OTOGL: variants seen among roughly 807,000 people sequenced by gnomAD.
OTOGL encodes otogelin-like protein.
OTOGL carries 285 observed loss-of-function variants against 318.5 expected under a neutral mutation model. That is an observed-to-expected ratio of 0.89 (90% CI 0.81 to 0.99). OTOGL has a LOEUF of 0.99. OTOGL is among the 50% of genes least tolerant of loss of function. The probability of loss-of-function intolerance (pLI) is 0.00; values close to 1 mark genes in which losing one functional copy is unlikely to be tolerated. For synonymous variants in OTOGL, 987 were observed against 936.5 expected (o/e 1.05, Z -0.99); for missense variants, 2,899 against 2,845.6 (o/e 1.02, Z -0.43).
At chr12:80,142,123 G>A (rs1871987499) in intron 1 of OTOGL, among the ~76,000 whole-genome samples, 1 of 152,100 alleles carries the variant, frequency 6.6e-6, no homozygotes, top group Admixed American at 6.5e-5. Flanking sequence ...CTCCTGTGAA[G>A]GAGAAGGTTA....
At chr12:80,301,730 C>T (rs1294785628) in intron 27 of OTOGL, among the ~76,000 whole-genome samples, 2 of 152,058 alleles carry the variant, frequency 1.3e-5, no homozygotes, top group African/African-American at 4.8e-5. Context: ...TGCTTCCTGC[C>T]CCCCTACACA....
At chr12:80,247,649 G>T (rs1369837012) in intron 11 of OTOGL, among the ~76,000 whole-genome samples, 1 of 54,356 alleles carries the variant, frequency 1.8e-5, no homozygotes, top group South Asian at 6.6e-4. Context: ...TGTTGATTTG[G>T]GGTGGAGAGT....
In OTOGL at chr12:80,328,748, A is replaced by C; in HGVS notation, c.4279+4A>C. ...AAGTGTGTTTATCCACGAGACTGTA[A>C]GTGTGAACGTTGCTTAATTTACTCT... On this transcript the variant is annotated splice_donor_region_variant and intron_variant, in intron 36 of 58. Transcript: ENST00000547103. 1 of 1,584,536 alleles carries C rather than the reference A, an allele frequency of 6.3e-7. No individual in the cohort carries two copies. The highest frequency in any genetic ancestry group is 8.7e-7 in the Non-Finnish European group (1 of 1,154,166).
At chr12:80,137,715 C>T (rs1209721594) in intron 1 of OTOGL, among the ~76,000 whole-genome samples, 1 of 152,150 alleles carries the variant, frequency 6.6e-6, no homozygotes, top group Non-Finnish European at 1.5e-5. Context: ...GGCACTCTTG[C>T]CTCATGTTTC....
chr12:80,228,543 T>A (rs1879087400), intron 7 of OTOGL, among the ~76,000 whole-genome samples: 1 of 152,186 alleles, frequency 6.6e-6, no homozygotes, highest in African/African-American at 2.4e-5. Context: ...AAGTCACTTT[T>A]AGGCTTAGAA....
At chr12:80,130,139 AT>A (rs1871148278) in intron 1 of OTOGL, among the ~76,000 whole-genome samples, 1 of 151,960 alleles carries the variant, frequency 6.6e-6, no homozygotes, top group Non-Finnish European at 1.5e-5. Context: ...CATTCCAATC[AT>A]TATAAAACTA....
At chr12:80,114,317 A>G (rs1367914690) in intron 1 of OTOGL, among the ~76,000 whole-genome samples, 1 of 152,160 alleles carries the variant, frequency 6.6e-6, no homozygotes, top group East Asian at 1.9e-4. Context: ...GGTGGTGACA[A>G]AATCCCTCAG....
chr12:80,275,596 A>G (rs1287535166), intron 24 of OTOGL, among the ~76,000 whole-genome samples: 3 of 151,976 alleles, frequency 2.0e-5, no homozygotes, highest in Non-Finnish European at 4.4e-5. Context: ...ACTGACTGCA[A>G]TTTTGAAAGA....
chr12:80,170,219 A>ATG (rs796199421), intron 1 of OTOGL, among the ~76,000 whole-genome samples: 10 of 116,712 alleles, frequency 8.6e-5, no homozygotes, highest in African/African-American at 3.6e-4. Context: ...GTGTGTATGT[A>ATG]TGTGTGTGTG....
chr12:80,257,736 G>A, intron 17 of OTOGL, 89 bp from the exon 18 acceptor site: 1 of 1,184,654 alleles, frequency 8.4e-7, no homozygotes, highest in Non-Finnish European at 1.1e-6. Flanking sequence ...CCTGGTATCT[G>A]GGGAAGAGAG....
At position 80,233,023 on chromosome 12, in the gene OTOGL, A is replaced by C. The variant is rs759988695; in HGVS notation, c.743A>C (p.Asp248Ala). The C allele has an allele frequency of 7.5e-6, 12 of 1,598,534 alleles. No homozygotes were observed. The Admixed American group carries it at 2.0e-4, about 27-fold the overall frequency. The change falls in exon 9 of 59, where the codon GAC becomes GCC. Residue 248 changes from aspartate to alanine, a missense_variant. Asp to Ala is a moderately radical substitution (Grantham distance 126). Transcript: ENST00000547103. ...GGGATCTACCTCAAGCTGTCTGAGGACCATAAGGGGAAATCATGTGGCCTA... is the reference window on the plus strand; with the variant it reads ...GGGATCTACCTCAAGCTGTCTGAGGCCCATAAGGGGAAATCATGTGGCCTA... ...ISGIYLKLSE[D>A]HKGKSCGLCG...
At chr12:80,325,178 A>C (rs1278939535) in intron 35 of OTOGL, among the ~76,000 whole-genome samples, 1 of 152,114 alleles carries the variant, frequency 6.6e-6, no homozygotes, top group African/African-American at 2.4e-5. Context: ...GGTAAGATCC[A>C]GCCCCTCTGT....
At chr12:80,330,019 G>A (rs906686477) in intron 37 of OTOGL, among the ~76,000 whole-genome samples, 7 of 152,298 alleles carry the variant, frequency 4.6e-5, no homozygotes, top group Admixed American at 1.3e-4. Flanking sequence ...AGGGAAATAT[G>A]TTCCTATTAG....
At chr12:80,164,666 G>A (rs1873723847) in intron 1 of OTOGL, among the ~76,000 whole-genome samples, 1 of 152,032 alleles carries the variant, frequency 6.6e-6, no homozygotes, top group African/African-American at 2.4e-5. Context: ...CCTTGTTGAT[G>A]TTGTATTAAC....
At chr12:80,291,969 T>TTTTCC (rs1555292177) in intron 26 of OTOGL, among the ~76,000 whole-genome samples, 1 of 152,114 alleles carries the variant, frequency 6.6e-6, no homozygotes, top group Non-Finnish European at 1.5e-5. Flanking sequence ...CTTTTTTTTC[T>TTTTCC]TTTTCTTTTC....
chr12:80,324,337 A>C (rs1887544706), intron 35 of OTOGL, among the ~76,000 whole-genome samples: 2 of 152,172 alleles, frequency 1.3e-5, no homozygotes, highest in Admixed American at 6.6e-5. Flanking sequence ...AGAATCTTTA[A>C]TTTGAGAACA....
intron 29 of OTOGL, among the ~76,000 whole-genome samples, chr12:80,310,062 G>T (rs1336808535): frequency 6.6e-6 from 1 of 152,160 alleles, no homozygotes; most frequent in African/African-American, 2.4e-5. Context: ...AGACATTTAA[G>T]AAGGGTAAAG....
chr12:80,266,654 A>C (rs759907233), intron 21 of OTOGL, 38 bp downstream of exon 21: 8 of 1,576,998 alleles, frequency 5.1e-6, no homozygotes, highest in Non-Finnish European at 6.9e-6. Context: ...TCCTGTTTTA[A>C]TCTCTTTTTC....
chr12:80,116,176 G>C (rs1870149824), intron 1 of OTOGL, among the ~76,000 whole-genome samples: 1 of 152,220 alleles, frequency 6.6e-6, no homozygotes, highest in Non-Finnish European at 1.5e-5. Flanking sequence ...AGGCCTTGGT[G>C]GTGTAGGCAC....
Sources: gnomAD v4.1 joint callset for allele counts (sites outside exome capture counted in the v4.1 genomes callset) on GRCh38, gnomAD v4.1.1 for gene constraint, MANE v1.5 for transcripts, NCBI Gene and HGNC (gene_info 2026-07-23, HGNC 2026-07-21) for gene names.